Variants in ZNF423 observed in about 807,000 individuals in gnomAD.
ZNF423 encodes the protein zinc finger protein 423, also known as Ebf-associated zinc finger protein.
In ZNF423, 12 loss-of-function variants were observed where a neutral mutation model predicts 95.8. The observed-to-expected ratio is 0.13, with a 90% CI of 0.08 to 0.20. The LOEUF (loss-of-function observed/expected upper bound fraction) is 0.20. ZNF423 is among the 10% of genes least tolerant of loss of function. The probability of loss-of-function intolerance (pLI) is 1.00; values close to 1 mark genes in which losing one functional copy is unlikely to be tolerated. For missense variants in ZNF423, 1,316 were observed against 1,737.1 expected, an observed-to-expected ratio of 0.76 and a Z score of 4.31; for synonymous variants, 749 against 711.9, an observed-to-expected ratio of 1.05 and a Z score of -0.83.
At chr16:49,496,342 C>T (rs892811921) in intron 7 of ZNF423, among the ~76,000 whole-genome samples, 3 of 152,152 alleles carry the variant, frequency 2.0e-5, no homozygotes, top group African/African-American at 7.2e-5. Flanking sequence ...GAGGTGGGGC[C>T]TAGTGGGAGG....
chr16:49,636,741 C>T lies in ZNF423; in HGVS notation c.2435G>A (p.Ser812Asn). ...VELQCHITTH[S>N]KKYNCKFCSK... is the part of the protein sequence containing the mutation. Reference sequence around the variant, plus strand: ...GCAGAACTTACAGTTATACTTCTTGCTGTGTGTGGTGATGTGGCACTGCAG... The same window carrying T: ...GCAGAACTTACAGTTATACTTCTTGTTGTGTGTGGTGATGTGGCACTGCAG... Residue 812 changes from serine to asparagine, a missense_variant, in exon 4 of 8, where the codon AGC becomes AAC. By Grantham distance (46) the Ser-to-Asn change is conservative. Coordinates refer to ENST00000563137, the MANE Select transcript of ZNF423 (RefSeq NM_001379286.1). The surrounding 1 kb of genome is among the most constrained non-coding windows in gnomAD (Gnocchi z 8.6). 1 of 1,614,050 alleles carries T rather than the reference C, an allele frequency of 6.2e-7. No individual in the cohort carries two copies. Among genetic ancestry groups the T allele is most frequent in the Non-Finnish European group, 8.5e-7 (1 of 1,180,002 alleles).
rs1970188136 is a variant in ZNF423 at position 49,566,319 on chromosome 16, C to T, written c.3602-40825G>A. On this transcript the variant is annotated intron_variant, in intron 5 of 7. Coordinates refer to ENST00000563137, the MANE Select transcript of ZNF423 (RefSeq NM_001379286.1). ...CTGGCTCACTGGTCATTAGATTTCT[C>T]TGCTTACAGAGCAGCACCCATAAAA... Among the ~76,000 whole-genome samples, 2 of 152,350 alleles carry T rather than the reference C, an allele frequency of 1.3e-5. 1 individual carries two copies. Among genetic ancestry groups the T allele is most frequent in the South Asian group, 4.1e-4 (2 of 4,828 alleles).
chr16:49,828,084 C>A (rs1352129559), intron 1 of ZNF423, among the ~76,000 whole-genome samples: 1 of 152,232 alleles, frequency 6.6e-6, no homozygotes, highest in African/African-American at 2.4e-5. Context: ...TGGCCTCCTG[C>A]CCAAAGAGCA....
chr16:49,853,353 T>C (rs573095930), intron 1 of ZNF423, among the ~76,000 whole-genome samples: 1 of 152,232 alleles, frequency 6.6e-6, no homozygotes, highest in South Asian at 2.1e-4. Flanking sequence ...GCTGGAACTC[T>C]TATCTATCCA....
intron 2 of ZNF423, among the ~76,000 whole-genome samples, chr16:49,779,612 T>TGCATGAG (rs1265684135): frequency 6.6e-6 from 1 of 152,044 alleles, no homozygotes; most frequent in Non-Finnish European, 1.5e-5. Context: ...CTCCCCCAAA[T>TGCATGAG]GCATGAGGAG....
At chr16:49,690,503 C>T (rs550030273) in intron 3 of ZNF423, among the ~76,000 whole-genome samples, 4 of 152,250 alleles carry the variant, frequency 2.6e-5, no homozygotes, top group East Asian at 3.8e-4. Context: ...GCCTGGACAA[C>T]AGACCAAAAC....
At chr16:49,593,837 G>A (rs555508098) in intron 5 of ZNF423, among the ~76,000 whole-genome samples, 6 of 152,240 alleles carry the variant, frequency 3.9e-5, no homozygotes, top group South Asian at 2.1e-4. Flanking sequence ...AGGGGGCCGC[G>A]GAGGCAACAC....
intron 3 of ZNF423, among the ~76,000 whole-genome samples, chr16:49,688,320 A>G (rs1005959556): frequency 1.3e-5 from 2 of 152,184 alleles, no homozygotes; most frequent in African/African-American, 2.4e-5. Context: ...TGCATTACAA[A>G]TAACTTACTC....
At chr16:49,778,426 C>T (rs2034156370) in intron 2 of ZNF423, among the ~76,000 whole-genome samples, 1 of 152,218 alleles carries the variant, frequency 6.6e-6, no homozygotes. Context: ...GGGCACTGGC[C>T]CATGGCCGCA....
At chr16:49,590,749 T>G (rs1374434288) in intron 5 of ZNF423, among the ~76,000 whole-genome samples, 1 of 152,080 alleles carries the variant, frequency 6.6e-6, no homozygotes, top group African/African-American at 2.4e-5. Context: ...TCCCAGTAAT[T>G]AACACCCGCA....
Position 49,603,071 on chromosome 16 carries a change from CA to C in ZNF423, c.3601+23098del, listed in dbSNP as rs2151833680. Among the ~76,000 whole-genome samples the C allele has an allele frequency of 6.6e-6, 1 of 152,282 alleles. No individual in the cohort carries two copies. The highest frequency in any genetic ancestry group is 1.9e-4 in the East Asian group (1 of 5,166). The stretch of plus-strand genomic sequence containing the variant: ...AGGATGGGAGGAGGAGGTTCCGAAA[CA>C]CTGGTGCGAGAAAAGGGTCTGGATG... On this transcript the variant is annotated intron_variant, in intron 5 of 7. Coordinates refer to ENST00000563137, the MANE Select transcript of ZNF423 (RefSeq NM_001379286.1). The surrounding 1 kb of genome is among the most constrained non-coding windows in gnomAD (Gnocchi z 4.1).
chr16:49,830,249 T>C (rs755469412), intron 1 of ZNF423, among the ~76,000 whole-genome samples: 4 of 152,022 alleles, frequency 2.6e-5, no homozygotes, highest in Non-Finnish European at 5.9e-5. Context: ...GGGAAAGCCA[T>C]GCAGAGGAAA....
At chr16:49,754,027 G>A (rs1284875141) in intron 2 of ZNF423, among the ~76,000 whole-genome samples, 13 of 138,098 alleles carry the variant, frequency 9.4e-5, no homozygotes, top group East Asian at 6.4e-4. Context: ...GCAAGACTCC[G>A]TCAAAAAAAA....
intron 5 of ZNF423, among the ~76,000 whole-genome samples, chr16:49,575,411 C>T (rs1970465745): frequency 1.3e-5 from 2 of 152,180 alleles, no homozygotes; most frequent in Admixed American, 1.3e-4. Flanking sequence ...GCAGTTTCCC[C>T]TCCTACTTGC....
intron 1 of ZNF423, among the ~76,000 whole-genome samples, chr16:49,851,177 G>T (rs1448167183): frequency 6.6e-6 from 1 of 152,118 alleles, no homozygotes; most frequent in African/African-American, 2.4e-5. Flanking sequence ...AACAGAATTT[G>T]AACAGGTGCC....
At position 49,638,317 on chromosome 16, in the gene ZNF423, C is replaced by T; in HGVS notation, c.859G>A (p.Glu287Lys). 6.2e-7 allele frequency: 1 copy of T among 1,614,032 alleles called. No individual in the cohort carries two copies. The highest frequency in any genetic ancestry group is 8.5e-7 in the Non-Finnish European group (1 of 1,180,058). The change falls in exon 4 of 8, where the codon GAG (glutamate) becomes AAG (lysine). Residue 287 changes from glutamate (E) to lysine (K), a missense_variant. Transcript: ENST00000563137. This position sits in a 1 kb window ranked among gnomAD's most constrained non-coding sequence, Gnocchi z 5.6. The stretch of plus-strand genomic sequence containing the variant: ...GGGTGGCGGGTGAGCACGTGCTTCT[C>T]CAGCTCCTCCGTCTGGCTGAAGGTG... ...EDTFSQTEEL[E>K]KHVLTRHPQL...
rs1239902492 is a variant in ZNF423, at chr16:49,635,899, T to G, written c.3277A>C (p.Asn1093His). Residue 1093 changes from asparagine to histidine, a missense_variant, in exon 4 of 8, where the codon AAT becomes CAT. Coordinates refer to ENST00000563137, the MANE Select transcript of ZNF423 (RefSeq NM_001379286.1). The surrounding 1 kb of genome is among the most constrained non-coding windows in gnomAD (Gnocchi z 4.8). Reference sequence around the variant, plus strand: ...GCGCAGAGGCCGTAGGGCAGCCCATTGACGTCAAGCTTCACCAGGTCCTGC... The same window carrying G: ...GCGCAGAGGCCGTAGGGCAGCCCATGGACGTCAAGCTTCACCAGGTCCTGC... ...SKQDLVKLDVNGLPYGLCAGC... is the reference protein window; with the variant it reads ...SKQDLVKLDVHGLPYGLCAGC... The G allele has an allele frequency of 1.9e-6, 3 of 1,581,960 alleles. No homozygotes were observed. The highest frequency in any genetic ancestry group is 2.6e-6 in the Non-Finnish European group (3 of 1,164,868).
chr16:49,773,315 T>A (rs1055659907), intron 2 of ZNF423, among the ~76,000 whole-genome samples: 1 of 151,560 alleles, frequency 6.6e-6, no homozygotes, highest in African/African-American at 2.4e-5. Context: ...CAAGACTCCA[T>A]CTCACAAAAA....
intron 1 of ZNF423, among the ~76,000 whole-genome samples, chr16:49,802,326 AAGAAG>A (rs1378775374): frequency 3.3e-5 from 5 of 152,160 alleles, no homozygotes; most frequent in African/African-American, 1.2e-4. Context: ...AGGAGACCCT[AAGAAG>A]AGGAGAGTTC....
Sources: allele counts gnomAD v4.1 joint callset (sites outside exome capture counted in the v4.1 genomes callset), GRCh38; gene constraint gnomAD v4.1.1; non-coding constraint Gnocchi (gnomAD v3.1); transcripts MANE v1.5; gene names NCBI Gene and HGNC (gene_info 2026-07-23, HGNC 2026-07-21).